Variants in MYLK observed in about 807,000 individuals in gnomAD.
MYLK encodes the protein myosin light chain kinase, smooth muscle.
A neutral mutation model predicts 203.4 loss-of-function variants in MYLK; 106 were observed. That is an observed-to-expected ratio of 0.52 (90% CI 0.45 to 0.61). MYLK has a LOEUF of 0.61. MYLK is among the 20% of genes least tolerant of loss of function. The probability of loss-of-function intolerance (pLI) is 0.00; values close to 1 mark genes in which losing one functional copy is unlikely to be tolerated. For missense variants in MYLK, 2,072 were observed against 2,442.3 expected (o/e 0.85, Z 3.20); for synonymous variants, 867 against 959.5 (o/e 0.90, Z 1.78).
In MYLK at chr3:123,648,340, C is replaced by T. The variant is rs987166024; in HGVS notation, c.4415+631G>A. On this transcript the variant is annotated intron_variant, in intron 26 of 33. Transcript: ENST00000360304. The surrounding 1 kb of genome is among the most constrained non-coding windows in gnomAD (Gnocchi z 4.5). ...ATGAGGGAGCTTGATGACTGCTGCG[C>T]GTTTAATGGAGCACTAACGCAGGCA... 6.6e-5 allele frequency among the ~76,000 whole-genome samples: 10 copies of T among 152,200 alleles called. No individual in the cohort carries two copies. Among genetic ancestry groups the T allele is most frequent in the African/African-American group, 1.2e-4 (5 of 41,450 alleles).
At chr3:123,755,986 G>A (rs910146918) in intron 4 of MYLK, among the ~76,000 whole-genome samples, 2 of 152,110 alleles carry the variant, frequency 1.3e-5, no homozygotes, top group Non-Finnish European at 2.9e-5. Flanking sequence ...GAAGGTATAC[G>A]GGTAGGGCAC....
At chr3:123,672,913 A>C (rs2059960025) in intron 20 of MYLK, among the ~76,000 whole-genome samples, 1 of 152,150 alleles carries the variant, frequency 6.6e-6, no homozygotes, top group Non-Finnish European at 1.5e-5. Flanking sequence ...GGAGCATTTC[A>C]CTTGGTTCTC....
At chr3:123,659,000 C>T (rs928472826) in intron 23 of MYLK, among the ~76,000 whole-genome samples, 1 of 152,200 alleles carries the variant, frequency 6.6e-6, no homozygotes, top group African/African-American at 2.4e-5. Context: ...CCAGAGGCCT[C>T]CTGTGATGGA....
At chr3:123,628,042 C>T (rs1330348301) in intron 30 of MYLK, among the ~76,000 whole-genome samples, 2 of 152,216 alleles carry the variant, frequency 1.3e-5, no homozygotes, top group Admixed American at 1.3e-4. Context: ...TCTCCTGAGG[C>T]ACCTTGGGTG....
chr3:123,825,569 A>C (rs146915076), intron 3 of MYLK, among the ~76,000 whole-genome samples: 2 of 152,314 alleles, frequency 1.3e-5, no homozygotes, highest in East Asian at 3.9e-4. Context: ...TCGGAGCACA[A>C]AGTATGCACT....
At chr3:123,785,248 G>T (rs78307259) in intron 4 of MYLK, among the ~76,000 whole-genome samples, 1 of 152,148 alleles carries the variant, frequency 6.6e-6, no homozygotes, top group South Asian at 2.1e-4. Flanking sequence ...TGTTTATTTC[G>T]ATGTCATATT....
At chr3:123,843,845 G>C (rs956401051) in intron 2 of MYLK, among the ~76,000 whole-genome samples, 3 of 152,162 alleles carry the variant, frequency 2.0e-5, no homozygotes, top group Non-Finnish European at 4.4e-5. Flanking sequence ...TTAAGCCTCT[G>C]TTTGAGCACT....
chr3:123,699,123 A>G (rs1209655701), intron 18 of MYLK: 3 of 151,956 alleles, frequency 2.0e-5, no homozygotes, highest in Non-Finnish European at 4.4e-5. Flanking sequence ...CTGGCAACCT[A>G]TCCCTCCGCT....
At chr3:123,869,524 A>G (rs1240970155) in intron 2 of MYLK, among the ~76,000 whole-genome samples, 2 of 152,080 alleles carry the variant, frequency 1.3e-5, no homozygotes, top group Non-Finnish European at 2.9e-5. Context: ...TTGGCCCTTG[A>G]ATCACCCCTC....
rs531519516 is a variant in MYLK at position 123,823,701 on chromosome 3, C to G, written c.-4+7847G>C. Among the ~76,000 whole-genome samples, 281 of 152,352 alleles carry G rather than the reference C, an allele frequency of 1.8e-3. 1 individual carries two copies. Among genetic ancestry groups the G allele is most frequent in the African/African-American group, 6.6e-3 (274 of 41,578 alleles). ...ATTGCGGTGCTCCCCACTTAACACC[C>G]TCCAATGGCTGCCCACTACACACAG... On this transcript the variant is annotated intron_variant, in intron 3 of 33. Transcript: ENST00000360304.
intron 4 of MYLK, among the ~76,000 whole-genome samples, chr3:123,757,093 T>G (rs2063380866): frequency 6.6e-6 from 1 of 152,214 alleles, no homozygotes; most frequent in African/African-American, 2.4e-5. Context: ...CCTGCCTGTC[T>G]CACTTGAGAG....
intron 2 of MYLK, among the ~76,000 whole-genome samples, chr3:123,840,604 T>G (rs1282729170): frequency 1.3e-5 from 2 of 150,732 alleles, no homozygotes; most frequent in African/African-American, 4.9e-5. Flanking sequence ...AAAGACATTA[T>G]AAAAAAAACC....
intron 5 of MYLK, among the ~76,000 whole-genome samples, chr3:123,743,007 TC>T (rs1379289164): frequency 2.6e-5 from 4 of 152,122 alleles, no homozygotes; most frequent in Non-Finnish European, 5.9e-5. Context: ...GTATGGGGTT[TC>T]CATTTGGGGT....
At chr3:123,788,902 C>A (rs1229465225) in intron 4 of MYLK, among the ~76,000 whole-genome samples, 1 of 152,130 alleles carries the variant, frequency 6.6e-6, no homozygotes, top group African/African-American at 2.4e-5. Context: ...AGTATTAGCT[C>A]ATCTGAGTCA....
At chr3:123,766,521 C>T (rs1412740405) in intron 4 of MYLK, among the ~76,000 whole-genome samples, 1 of 152,262 alleles carries the variant, frequency 6.6e-6, no homozygotes. Context: ...AGGGGAGCAG[C>T]AGTAGGGGTG....
chr3:123,805,446 G>A (rs757227365), intron 3 of MYLK, among the ~76,000 whole-genome samples: 2 of 152,140 alleles, frequency 1.3e-5, no homozygotes, highest in Non-Finnish European at 1.5e-5. Context: ...GCCAGAGGAG[G>A]GAAGGTGCTA....
chr3:123,810,607 A>G (rs2065525879), intron 3 of MYLK, among the ~76,000 whole-genome samples: 1 of 152,330 alleles, frequency 6.6e-6, no homozygotes, highest in Admixed American at 6.5e-5. Flanking sequence ...TTCTAGATGA[A>G]CAATCCCCCC....
chr3:123,850,756 C>T (rs927800632), intron 2 of MYLK, among the ~76,000 whole-genome samples: 8 of 152,144 alleles, frequency 5.3e-5, no homozygotes, highest in South Asian at 2.1e-4. Flanking sequence ...TAATTAGATC[C>T]CATTTGTCAA....
At chr3:123,721,651 C>T (rs1418539991) in intron 13 of MYLK, among the ~76,000 whole-genome samples, 1 of 151,798 alleles carries the variant, frequency 6.6e-6, no homozygotes, top group East Asian at 1.9e-4. Flanking sequence ...CCCAGGGTCC[C>T]CCAGCATGTA....
Sources: gnomAD v4.1 joint callset for allele counts (sites outside exome capture counted in the v4.1 genomes callset) on GRCh38, gnomAD v4.1.1 for gene constraint, Gnocchi (gnomAD v3.1) non-coding constraint, MANE v1.5 for transcripts, NCBI Gene and HGNC (gene_info 2026-07-23, HGNC 2026-07-21) for gene names.